TNNI3K: variants seen among roughly 807,000 people sequenced by gnomAD.
TNNI3K encodes the protein serine/threonine-protein kinase TNNI3K.
TNNI3K carries 140 observed loss-of-function variants against 114.5 expected under a neutral mutation model. The observed-to-expected ratio is 1.22, with a 90% CI of 1.07 to 1.41. The LOEUF (loss-of-function observed/expected upper bound fraction) is 1.41. Ranked by LOEUF, TNNI3K falls within the 40% of genes most tolerant of loss-of-function variation. The pLI is 0.00. For missense variants in TNNI3K, 1,125 were observed against 1,007.6 expected (o/e 1.12, Z -1.58); for synonymous variants, 347 against 347.5 (o/e 1.00, Z 0.02).
At chr1:74,365,131 G>T (rs904858168) in intron 11 of TNNI3K, among the ~76,000 whole-genome samples, 2 of 152,050 alleles carry the variant, frequency 1.3e-5, no homozygotes, top group Admixed American at 6.6e-5. Flanking sequence ...ACACTGATGT[G>T]TTAGAACTGT....
intron 5 of TNNI3K, among the ~76,000 whole-genome samples, chr1:74,286,006 T>A (rs1657310199): frequency 6.6e-6 from 1 of 152,108 alleles, no homozygotes; most frequent in African/African-American, 2.4e-5. Flanking sequence ...TATCCACACA[T>A]AAAAATACCT....
intron 17 of TNNI3K, among the ~76,000 whole-genome samples, chr1:74,386,637 AG>A (rs1311622484): frequency 6.6e-6 from 1 of 152,228 alleles, no homozygotes; most frequent in Non-Finnish European, 1.5e-5. Flanking sequence ...ACTTTTACAT[AG>A]TCTCAACAAG....
chr1:74,349,496 A>G (rs1339976612), intron 9 of TNNI3K, among the ~76,000 whole-genome samples: 2 of 152,186 alleles, frequency 1.3e-5, no homozygotes, highest in Non-Finnish European at 2.9e-5. Flanking sequence ...AAAATGAGTT[A>G]GGGAGGATTC....
intron 5 of TNNI3K, among the ~76,000 whole-genome samples, chr1:74,302,101 C>T (rs1014889609): frequency 6.6e-6 from 1 of 152,196 alleles, no homozygotes; most frequent in Non-Finnish European, 1.5e-5. Context: ...AAAGCCTGTA[C>T]TCATTTCATG....
intron 20 of TNNI3K, 147 bp from the exon 21 acceptor site, chr1:74,463,294 T>C: frequency 1.3e-6 from 1 of 756,328 alleles, no homozygotes; most frequent in Non-Finnish European, 2.2e-6. Flanking sequence ...TTTAGACCAT[T>C]GGGGGAAAAA....
At chr1:74,351,881 C>T (rs1489953316) in intron 9 of TNNI3K, among the ~76,000 whole-genome samples, 4 of 151,702 alleles carry the variant, frequency 2.6e-5, no homozygotes, top group African/African-American at 7.2e-5. Flanking sequence ...ATTTTTTTTT[C>T]AAAGTTTTTA....
At chr1:74,371,422 T>C (rs1015545856) in intron 17 of TNNI3K, 12 of 151,822 alleles carry the variant, frequency 7.9e-5, no homozygotes, top group Admixed American at 7.9e-4. Flanking sequence ...ATAAGTTATA[T>C]ACAAGATTTA....
At chr1:74,501,582 G>A (rs528886244) in intron 23 of TNNI3K, among the ~76,000 whole-genome samples, 35 of 152,184 alleles carry the variant, frequency 2.3e-4, no homozygotes, top group African/African-American at 7.7e-4. Flanking sequence ...TGCCTCCTGG[G>A]TTCATGCCAT....
intron 17 of TNNI3K, among the ~76,000 whole-genome samples, chr1:74,414,284 A>T (rs1208433636): frequency 6.6e-6 from 1 of 152,210 alleles, no homozygotes; most frequent in Non-Finnish European, 1.5e-5. Context: ...GTGATGTAAG[A>T]GTCTAATAGT....
chr1:74,283,205 A>G (rs775926517), intron 5 of TNNI3K, among the ~76,000 whole-genome samples: 5 of 152,212 alleles, frequency 3.3e-5, no homozygotes, highest in Non-Finnish European at 7.3e-5. Context: ...GCATTCGAAA[A>G]TGGTTTCCTC....
intron 2 of TNNI3K, among the ~76,000 whole-genome samples, chr1:74,237,748 T>C (rs1484308576): frequency 6.6e-6 from 1 of 152,056 alleles, no homozygotes; most frequent in Non-Finnish European, 1.5e-5. Context: ...GATGCAGGAA[T>C]CTGTGTCAGG....
chr1:74,514,607 T>C (rs537043411), intron 23 of TNNI3K, among the ~76,000 whole-genome samples: 1 of 152,220 alleles, frequency 6.6e-6, no homozygotes, highest in African/African-American at 2.4e-5. Flanking sequence ...ATGGGAAAAC[T>C]GGTCAAAACA....
chr1:74,508,000 A>T (rs1669991844), intron 23 of TNNI3K, among the ~76,000 whole-genome samples: 1 of 152,208 alleles, frequency 6.6e-6, no homozygotes, highest in Non-Finnish European at 1.5e-5. Context: ...AGTAGTTTGT[A>T]TGGAAAATAG....
At chr1:74,252,904 A>G (rs1290237363) in intron 4 of TNNI3K, among the ~76,000 whole-genome samples, 1 of 152,200 alleles carries the variant, frequency 6.6e-6, no homozygotes, top group Non-Finnish European at 1.5e-5. Flanking sequence ...GTGGGTTGCC[A>G]CTGCTTGTTC....
chr1:74,354,211 G>T, intron 11 of TNNI3K, 82 bp downstream of exon 11: 1 of 1,570,558 alleles, frequency 6.4e-7, no homozygotes, highest in Non-Finnish European at 8.6e-7. Flanking sequence ...TAATTACTTT[G>T]CTTGCATGAC....
At chr1:74,369,358 TTA>T (rs769602864) in intron 15 of TNNI3K, 31 bp from the exon 16 acceptor site, 250 of 1,606,844 alleles carry the variant, frequency 1.6e-4, no homozygotes, top group Non-Finnish European at 2.0e-4. Context: ...ATCCATCTGT[TTA>T]CTGAAGATTT....
At chr1:74,513,871 A>G (rs1477921911) in intron 23 of TNNI3K, among the ~76,000 whole-genome samples, 1 of 152,224 alleles carries the variant, frequency 6.6e-6, no homozygotes, top group Admixed American at 6.5e-5. Flanking sequence ...AAAGATTTCA[A>G]GAAGCCACAA....
intron 9 of TNNI3K, among the ~76,000 whole-genome samples, chr1:74,351,477 G>A (rs1661336181): frequency 6.6e-6 from 1 of 152,054 alleles, no homozygotes; most frequent in South Asian, 2.1e-4. Flanking sequence ...GTATCTTTGT[G>A]GCGTTCTCTG....
intron 23 of TNNI3K, among the ~76,000 whole-genome samples, chr1:74,503,631 C>T (rs1327635956): frequency 6.6e-6 from 1 of 152,096 alleles, no homozygotes; most frequent in Non-Finnish European, 1.5e-5. Flanking sequence ...ATTTTTATGA[C>T]ATGCACTTCC....
Sources: allele counts gnomAD v4.1 joint callset (sites outside exome capture counted in the v4.1 genomes callset), GRCh38; gene constraint gnomAD v4.1.1; transcripts MANE v1.5; gene names NCBI Gene and HGNC (gene_info 2026-07-23, HGNC 2026-07-21).